CTIF: variants seen among roughly 807,000 people sequenced by gnomAD.
CTIF encodes the protein cap binding complex dependent translation initiation factor.
Under a neutral mutation model 66.0 loss-of-function variants are expected in CTIF, and 21 were observed. That is an observed-to-expected ratio of 0.32 (90% CI 0.23 to 0.46). The LOEUF is 0.46. Among genes scored for constraint, CTIF ranks in the 20% least tolerant of loss-of-function variants. CTIF has a pLI of 1.00. For synonymous variants in CTIF, 345 were observed against 326.4 expected, an observed-to-expected ratio of 1.06 and a Z score of -0.62; for missense variants, 739 against 812.7, an observed-to-expected ratio of 0.91 and a Z score of 1.10.
chr18:48,572,056 T>A (rs1389372619), intron 1 of CTIF, among the ~76,000 whole-genome samples: 7 of 151,870 alleles, frequency 4.6e-5, no homozygotes, highest in Admixed American at 1.3e-4. Flanking sequence ...TCTTTCTCCT[T>A]CTCCTTCCCC....
chr18:48,762,488 T>C (rs1909103192), intron 9 of CTIF, among the ~76,000 whole-genome samples: 1 of 152,188 alleles, frequency 6.6e-6, no homozygotes, highest in Admixed American at 6.5e-5. Flanking sequence ...CATGGGATGG[T>C]GGCCACATCA....
At chr18:48,642,773 T>G (rs2090958399) in intron 3 of CTIF, among the ~76,000 whole-genome samples, 1 of 151,912 alleles carries the variant, frequency 6.6e-6, no homozygotes, top group African/African-American at 2.4e-5. Context: ...AACCAAACAA[T>G]CCAAATCTTA....
At chr18:48,851,156 C>T (rs1470675582) in intron 10 of CTIF, among the ~76,000 whole-genome samples, 3 of 152,204 alleles carry the variant, frequency 2.0e-5, no homozygotes, top group Non-Finnish European at 4.4e-5. Context: ...TGTCCTCTGC[C>T]CTGACAGGAG....
chr18:48,721,853 C>T (rs189971090), intron 7 of CTIF, among the ~76,000 whole-genome samples: 1 of 152,130 alleles, frequency 6.6e-6, no homozygotes, highest in East Asian at 1.9e-4. Flanking sequence ...TGGTTCAGAG[C>T]AATTCTCTTA....
intron 6 of CTIF, among the ~76,000 whole-genome samples, chr18:48,686,636 C>T (rs1247965277): frequency 1.3e-5 from 2 of 152,148 alleles, no homozygotes; most frequent in African/African-American, 4.8e-5. Context: ...AATCTTTTGC[C>T]TGGTGGTGGG....
chr18:48,732,354 A>T (rs892966326), intron 7 of CTIF, among the ~76,000 whole-genome samples: 13 of 152,090 alleles, frequency 8.5e-5, no homozygotes, highest in African/African-American at 3.1e-4. Context: ...CCCCTGCTTC[A>T]CTGAGGTTGT....
rs74848616 is a variant in CTIF, at chr18:48,543,501, T to C, written c.-29+4189T>C. Among the ~76,000 whole-genome samples the C allele has an allele frequency of 5.0e-3, 762 of 152,308 alleles. 8 individuals are homozygous for C. Among genetic ancestry groups the C allele is most frequent in the African/African-American group, 0.018 (731 of 41,576 alleles). ...GGTTTAATTTAGAACCTTGCTATAA[T>C]GGTGGCCTTCTCCCTGTGTTAGCAC... is the stretch of plus-strand genomic sequence containing the variant. On this transcript the variant is annotated intron_variant, in intron 1 of 11. Transcript: ENST00000256413.
intron 1 of CTIF, among the ~76,000 whole-genome samples, chr18:48,563,304 C>T (rs1311253645): frequency 6.6e-6 from 1 of 152,198 alleles, no homozygotes; most frequent in African/African-American, 2.4e-5. Context: ...GAAAAGCTGA[C>T]CTCAATCTTG....
intron 1 of CTIF, among the ~76,000 whole-genome samples, chr18:48,592,610 G>T (rs1416851751): frequency 6.6e-6 from 1 of 152,200 alleles, no homozygotes; most frequent in Non-Finnish European, 1.5e-5. Flanking sequence ...GCTGTGCGTG[G>T]GCAACCACTC....
At chr18:48,732,073 T>C (rs1283130991) in intron 7 of CTIF, among the ~76,000 whole-genome samples, 2 of 152,222 alleles carry the variant, frequency 1.3e-5, no homozygotes, top group Non-Finnish European at 2.9e-5. Flanking sequence ...CCGAAGAGAA[T>C]GAAGTTTCCA....
intron 10 of CTIF, among the ~76,000 whole-genome samples, chr18:48,843,385 C>T (rs576117729): frequency 2.6e-5 from 4 of 152,114 alleles, no homozygotes; most frequent in African/African-American, 4.8e-5. Flanking sequence ...CTGTTCCCTG[C>T]GGAGTGGGGA....
chr18:48,715,689 A>C (rs896384039), intron 7 of CTIF, among the ~76,000 whole-genome samples: 86 of 152,326 alleles, frequency 5.6e-4, no homozygotes, highest in African/African-American at 1.9e-3. Context: ...TGAACACATT[A>C]AGGCAATGAA....
In CTIF at chr18:48,761,328, C is replaced by G. The variant is rs1288362771; in HGVS notation, c.1072-62C>G. 1 of 1,531,214 alleles carries G rather than the reference C, an allele frequency of 6.5e-7. No individual in the cohort carries two copies. Among genetic ancestry groups the G allele is most frequent in the African/African-American group, 1.4e-5 (1 of 73,424 alleles). The allele number at this position is 1,531,214 out of a possible 1,614,324, so 94.9% of individuals were successfully genotyped here. On this transcript the variant is annotated intron_variant, in intron 8 of 11. Coordinates refer to ENST00000256413, the MANE Select transcript of CTIF (RefSeq NM_014772.3). This position sits in a 1 kb window ranked among gnomAD's most constrained non-coding sequence, Gnocchi z 4.2. ...GGGTGGCCACCCTCTTTCCACCAGG[C>G]CACCCCTGCACAGAGACCTCGGCTT...
chr18:48,600,536 T>C (rs2090071639), intron 1 of CTIF, among the ~76,000 whole-genome samples: 1 of 152,026 alleles, frequency 6.6e-6, no homozygotes, highest in South Asian at 2.1e-4. Flanking sequence ...CGCCTTGGTA[T>C]CCCAAGGTCT....
chr18:48,756,250 G>A (rs1316209210), intron 7 of CTIF: 1 of 152,140 alleles, frequency 6.6e-6, no homozygotes, highest in African/African-American at 2.4e-5. Flanking sequence ...ACCCCAACAG[G>A]GTGGTGTCAA....
intron 6 of CTIF, among the ~76,000 whole-genome samples, chr18:48,698,995 G>A (rs1313976443): frequency 6.6e-6 from 1 of 152,120 alleles, no homozygotes; most frequent in East Asian, 1.9e-4. Flanking sequence ...TCCTGGACGA[G>A]GACCCACGTT....
chr18:48,605,031 G>A (rs2090177516), intron 1 of CTIF, among the ~76,000 whole-genome samples: 1 of 152,154 alleles, frequency 6.6e-6, no homozygotes, highest in African/African-American at 2.4e-5. Flanking sequence ...ATCAGTTGAT[G>A]GATGTTTGTG....
Position 48,581,235 on chromosome 18 carries a change from TTTG to T in CTIF, c.-28-38291_-28-38289del, listed in dbSNP as rs538070910. 4.6e-3 allele frequency among the ~76,000 whole-genome samples: 675 copies of T among 146,790 alleles called. 6 individuals are homozygous for T. Among genetic ancestry groups the T allele is most frequent in the African/African-American group, 0.018 (649 of 36,430 alleles). On this transcript the variant is annotated intron_variant, in intron 1 of 11. Coordinates refer to ENST00000256413, the MANE Select transcript of CTIF (RefSeq NM_014772.3). ...TGTTTTTGTTTTTTTTTGGGTTTTTTTTGTTGTTGTTGTTAGATTCCTGAGACG... is the reference window on the plus strand; with the variant it reads ...TGTTTTTGTTTTTTTTTGGGTTTTTTTTGTTGTTGTTAGATTCCTGAGACG...
At chr18:48,552,037 C>T (rs1445441872) in intron 1 of CTIF, among the ~76,000 whole-genome samples, 9 of 152,154 alleles carry the variant, frequency 5.9e-5, no homozygotes, top group African/African-American at 1.7e-4. Flanking sequence ...CTCCTGACCT[C>T]GTGATCCGCC....
Sources: allele counts gnomAD v4.1 joint callset (sites outside exome capture counted in the v4.1 genomes callset), GRCh38; gene constraint gnomAD v4.1.1; non-coding constraint Gnocchi (gnomAD v3.1); transcripts MANE v1.5; gene names NCBI Gene and HGNC (gene_info 2026-07-23, HGNC 2026-07-21).